F8: variants seen among roughly 807,000 people sequenced by gnomAD.
The protein encoded by F8 is antihemophilic factor.
In F8, 12 loss-of-function variants were observed where a neutral mutation model predicts 140.6. The observed-to-expected ratio is 0.09, with a 90% CI of 0.05 to 0.14. The LOEUF (loss-of-function observed/expected upper bound fraction) is 0.14. Ranked by LOEUF, F8 falls within the 10% of genes least tolerant of loss-of-function variation. The pLI, the probability that F8 is intolerant of heterozygous loss-of-function variation, is 1.00. For synonymous variants in F8, 585 were observed against 614.6 expected, an observed-to-expected ratio of 0.95 and a Z score of 0.71; for missense variants, 1,354 against 1,720.7, an observed-to-expected ratio of 0.79 and a Z score of 3.77.
intron 22 of F8, among the ~76,000 whole-genome samples, chrX:154,878,078 C>T (rs1191919456): frequency 2.7e-5 from 3 of 111,598 alleles, no homozygotes; most frequent in Non-Finnish European, 5.6e-5. Context: ...AACTTTACAA[C>T]TCATACTATG....
At chrX:154,969,305 T>C (rs782769009) in intron 7 of F8, 26 bp downstream of exon 7, 3 of 1,139,618 alleles carry the variant, frequency 2.6e-6, no homozygotes, top group African/African-American at 1.8e-5. Context: ...ATTTATAATA[T>C]TCATTTTAAA....
intron 1 of F8, among the ~76,000 whole-genome samples, chrX:155,007,452 C>A (rs1205562287): frequency 1.8e-5 from 2 of 111,801 alleles, no homozygotes; most frequent in Non-Finnish European, 3.8e-5. Flanking sequence ...CAACAAAAAT[C>A]AATGCTGAGC....
intron 14 of F8, among the ~76,000 whole-genome samples, chrX:154,928,357 G>A (rs1169588490): frequency 8.9e-6 from 1 of 111,961 alleles, no homozygotes; most frequent in Non-Finnish European, 1.9e-5. Context: ...TCATAAGGTT[G>A]ATAGGTGAGG....
chrX:154,899,632 A>G (rs1464004735), intron 21 of F8, among the ~76,000 whole-genome samples: 1 of 111,751 alleles, frequency 8.9e-6, no homozygotes, highest in Non-Finnish European at 1.9e-5. Flanking sequence ...TATTATAGAA[A>G]ATATTCAGAT....
Position 154,860,426 on chromosome X carries a change from G to C in F8, c.6900+6C>G, listed in dbSNP as rs1603431475. 8.3e-7 allele frequency: 1 copy of C among 1,209,064 alleles called. No homozygotes were observed. Among genetic ancestry groups the C allele is most frequent in the South Asian group, 1.8e-5 (1 of 56,896 alleles). On this transcript the variant is annotated splice_donor_region_variant and intron_variant, in intron 25 of 25. Coordinates refer to ENST00000360256, the MANE Select transcript of F8 (RefSeq NM_000132.4). ...TCTTTCTTTCTTTCCAAGGAGACCA[G>C]CTTACCTTTACTTTGCCATTCTGAA... is the stretch of plus-strand genomic sequence containing the variant.
At chrX:154,977,074 T>G (rs1217525757) in intron 6 of F8, among the ~76,000 whole-genome samples, 2 of 111,760 alleles carry the variant, frequency 1.8e-5, no homozygotes, top group Non-Finnish European at 3.8e-5. Flanking sequence ...TGCTTTGTAA[T>G]TACCATGAGG....
In F8 at chrX:154,956,996, G is replaced by A; in HGVS notation, c.1713C>T (p.Leu571=). ...DLASGLIGPL[L]ICYKESVDQR... Reference sequence around the variant, plus strand: ...GATCTACAGATTCTTTGTAGCAGATGAGGAGAGGGCCAATGAGTCCTGAAG... The same window carrying A: ...GATCTACAGATTCTTTGTAGCAGATAAGGAGAGGGCCAATGAGTCCTGAAG... Residue 571 remains leucine, a synonymous_variant, in exon 11 of 26, where the codon CTC becomes CTT. Transcript: ENST00000360256. 1 of 1,211,417 alleles carries A rather than the reference G, an allele frequency of 8.3e-7. No individual in the cohort carries two copies. The highest frequency in any genetic ancestry group is 1.1e-6 in the Non-Finnish European group (1 of 895,084).
chrX:154,954,082 C>G (rs1279798631), intron 11 of F8, 40 bp from the exon 12 acceptor site: 1 of 1,173,274 alleles, frequency 8.5e-7, no homozygotes, highest in Non-Finnish European at 1.2e-6. Flanking sequence ...AGAAATGCTA[C>G]TGATGTTGTC....
intron 4 of F8, among the ~76,000 whole-genome samples, chrX:154,987,509 C>T (rs2073566013): frequency 8.9e-6 from 1 of 112,083 alleles, no homozygotes; most frequent in African/African-American, 3.2e-5. Flanking sequence ...TTTATTTCAA[C>T]TTTGATGAAG....
At chrX:154,870,707 C>T (rs1349426631) in intron 22 of F8, among the ~76,000 whole-genome samples, 1 of 111,092 alleles carries the variant, frequency 9.0e-6, no homozygotes, top group Non-Finnish European at 1.9e-5. Flanking sequence ...GGCAATCAGG[C>T]AAGAGAAAGC....
intron 14 of F8, among the ~76,000 whole-genome samples, chrX:154,922,130 T>G (rs1014531970): frequency 1.8e-5 from 2 of 112,639 alleles, no homozygotes; most frequent in African/African-American, 3.2e-5. Flanking sequence ...CAGTCTTATA[T>G]GCTTATCTTT....
rs1282596129 is a variant in F8 at position 154,836,542 on chromosome X, A to G, written c.*1055T>C. ...GGACTCTAGTTTTCAGTCACGGTATATAATTTCCCCTGTTACATTTTTGTT... is the reference window on the plus strand; with the variant it reads ...GGACTCTAGTTTTCAGTCACGGTATGTAATTTCCCCTGTTACATTTTTGTT... On this transcript the variant is annotated 3_prime_UTR_variant, in exon 26 of 26. Transcript: ENST00000360256. 2 of 111,887 alleles carry G rather than the reference A, an allele frequency of 1.8e-5. No individual in the cohort carries two copies. The highest frequency in any genetic ancestry group is 3.2e-5 in the African/African-American group (1 of 30,784). The allele number at this position is 111,887 out of a possible 1,213,427, so 9.2% of individuals were successfully genotyped here. A position where few individuals can be genotyped will look rare whatever the true frequency, so the allele number is the denominator to read the frequency against.
At position 154,931,578 on chromosome X, in the gene F8, A is replaced by C. The variant is rs201721215; in HGVS notation, c.2212T>G (p.Tyr738Asp). ...GAAATATCTTCATAACTGTCCTCGT[A>C]ATAATCACCAGTGTTCTTGTCACAA... ...SSCDKNTGDYYEDSYEDISAY... is the reference protein window; with the variant it reads ...SSCDKNTGDYDEDSYEDISAY... The change falls in exon 14 of 26, where the codon TAC becomes GAC. Residue 738 changes from tyrosine to aspartate, a missense_variant. By Grantham distance (160) the Tyr-to-Asp change is radical (BLOSUM62 -3). Transcript: ENST00000360256. The C allele has an allele frequency of 6.8e-5, 82 of 1,209,645 alleles. No homozygotes were observed. Among genetic ancestry groups the C allele is most frequent in the Non-Finnish European group, 2.2e-5 (20 of 894,760 alleles).
chrX:155,001,799 C>A (rs1409899311), intron 1 of F8, among the ~76,000 whole-genome samples: 2 of 110,599 alleles, frequency 1.8e-5, no homozygotes, highest in Non-Finnish European at 3.8e-5. Flanking sequence ...GTGGTCTTAG[C>A]TGCTTTGGTG....
intron 13 of F8, among the ~76,000 whole-genome samples, chrX:154,936,110 A>C (rs782628121): frequency 9.0e-6 from 1 of 110,983 alleles, no homozygotes; most frequent in Non-Finnish European, 1.9e-5. Context: ...GAATTACAAC[A>C]AACTTATTGT....
intron 1 of F8, among the ~76,000 whole-genome samples, chrX:155,002,662 G>A (rs1281950677): frequency 1.8e-5 from 2 of 110,003 alleles, no homozygotes; most frequent in South Asian, 3.9e-4. Flanking sequence ...TGTTTCATTG[G>A]AGAACCCTAA....
intron 25 of F8, among the ~76,000 whole-genome samples, chrX:154,842,935 A>G (rs782285702): frequency 2.9e-4 from 32 of 111,399 alleles, no homozygotes; most frequent in Non-Finnish European, 5.9e-4. Context: ...TCCTAATGCT[A>G]TCCCTCCCCT....
At chrX:154,935,068 G>A (rs1282023391) in intron 13 of F8, among the ~76,000 whole-genome samples, 1 of 110,325 alleles carries the variant, frequency 9.1e-6, no homozygotes, top group Non-Finnish European at 1.9e-5. Flanking sequence ...AGGCTGAGGT[G>A]GGAGGATTGC....
At chrX:154,876,623 A>T (rs1557274048) in intron 22 of F8, among the ~76,000 whole-genome samples, 1 of 111,502 alleles carries the variant, frequency 9.0e-6, no homozygotes, top group Non-Finnish European at 1.9e-5. Context: ...TTTACCAAGG[A>T]TTTTGTTTTC....
Sources: allele counts gnomAD v4.1 joint callset (sites outside exome capture counted in the v4.1 genomes callset), GRCh38; gene constraint gnomAD v4.1.1; transcripts MANE v1.5; gene names NCBI Gene and HGNC (gene_info 2026-07-23, HGNC 2026-07-21).